Variants in PLK1 observed in about 807,000 individuals in gnomAD.
The protein encoded by PLK1 is polo like kinase 1.
PLK1 carries 6 observed loss-of-function variants against 56.7 expected under a neutral mutation model. That is an observed-to-expected ratio of 0.11 (90% CI 0.06 to 0.21). The LOEUF (loss-of-function observed/expected upper bound fraction) is 0.21, where lower values mean the gene tolerates loss of function less well. PLK1 is among the 10% of genes least tolerant of loss of function. The pLI is 1.00. For missense variants in PLK1, 546 were observed against 814.4 expected (o/e 0.67, Z 4.01); for synonymous variants, 298 against 325.0 (o/e 0.92, Z 0.89).
intron 1 of PLK1, chr16:23,679,675 G>A (rs984735324): frequency 1.7e-5 from 5 of 286,308 alleles, no homozygotes; most frequent in African/African-American, 1.1e-4. Context: ...GGTTAGTGAT[G>A]CCGCGCCCTG....
At chr16:23,679,935 G>A (rs1257894812) in intron 1 of PLK1, 149 bp from the exon 2 acceptor site, 2 of 603,288 alleles carry the variant, frequency 3.3e-6, no homozygotes, top group East Asian at 2.8e-5. Flanking sequence ...GGGGGCATAG[G>A]GAAGGAGAGA....
chr16:23,689,144 A>G lies in PLK1; in HGVS notation c.1271-94A>G. On this transcript the variant is annotated intron_variant, in intron 7 of 9. Transcript: ENST00000300093. This position sits in a 1 kb window ranked among gnomAD's most constrained non-coding sequence, Gnocchi z 4.8. ...AACAATCCTCCTCCCTCAGCCTCCC[A>G]AAGTGCTGGAATCACAGGCATGTGC... The G allele has an allele frequency of 1.2e-5, 14 of 1,165,466 alleles. No homozygotes were observed. In the South Asian group the frequency reaches 1.8e-4, roughly 15 times the overall value. The allele number at this position is 1,165,466 out of a possible 1,614,324, so 72.2% of individuals were successfully genotyped here.
At chr16:23,686,549 G>A (rs1000460948) in intron 5 of PLK1, among the ~76,000 whole-genome samples, 1 of 152,114 alleles carries the variant, frequency 6.6e-6, no homozygotes, top group African/African-American at 2.4e-5. Context: ...CTGGAGTGCT[G>A]TGGCAAGATC....
chr16:23,687,194 C>A, intron 5 of PLK1: 1 of 253,916 alleles, frequency 3.9e-6, no homozygotes, highest in East Asian at 7.1e-5. Flanking sequence ...CAGCTCTGAG[C>A]TGCTGGTGCC....
chr16:23,681,102 G>T (rs780871624), intron 3 of PLK1, 44 bp downstream of exon 3: 3 of 1,577,676 alleles, frequency 1.9e-6, no homozygotes, highest in Admixed American at 1.8e-5. Flanking sequence ...CTCAGCAGGG[G>T]CAACTTTGGG....
At position 23,687,470 on chromosome 16, in the gene PLK1, C is replaced by A; in HGVS notation, c.1038C>A (p.Gly346=). The A allele has an allele frequency of 1.3e-6, 2 of 1,570,756 alleles. No individual in the cohort carries two copies. The highest frequency in any genetic ancestry group is 8.7e-7 in the Non-Finnish European group (1 of 1,151,068). ...NRKPLTVLNK[G]LENPLPERPR... Reference sequence around the variant, plus strand: ...CCCCTGTTTTTGTCACCTTCCTAGGCTTGGAGAACCCCCTGCCTGAGCGTC... The same window carrying A: ...CCCCTGTTTTTGTCACCTTCCTAGGATTGGAGAACCCCCTGCCTGAGCGTC... Residue 346 remains glycine, a splice_region_variant and synonymous_variant, in exon 6 of 10, where the codon GGC becomes GGA. Coordinates refer to ENST00000300093, the MANE Select transcript of PLK1 (RefSeq NM_005030.6).
chr16:23,681,985 G>A (rs1417545422), intron 3 of PLK1, 79 bp from the exon 4 acceptor site: 2 of 813,934 alleles, frequency 2.5e-6, no homozygotes, highest in Non-Finnish European at 4.3e-6. Flanking sequence ...CCTGACCTTT[G>A]TTCTGACCCT....
Position 23,682,238 on chromosome 16 carries a change from A to C in PLK1, c.816+81A>C, listed in dbSNP as rs1959344193. The C allele has an allele frequency of 3.8e-6, 3 of 784,244 alleles. No individual in the cohort carries two copies. In the Admixed American group the frequency reaches 5.7e-5, roughly 15 times the overall value. 48.6% of individuals were successfully genotyped at this position (784,244 alleles called of 1,614,324 possible). On this transcript the variant is annotated intron_variant, in intron 4 of 9. Coordinates refer to ENST00000300093, the MANE Select transcript of PLK1 (RefSeq NM_005030.6). ...TGGAGCCCAGCAATATCCTAGGACC[A>C]GAAATAGGTCTATCCCACCTCTAAG...
chr16:23,683,886 C>G lies in PLK1; in HGVS notation c.833C>G (p.Ala278Gly), dbSNP rs756845433. ...CTGCCCCAGCACATCAACCCCGTGG[C>G]CGCCTCCCTCATCCAGAAGATGCTT... The part of the protein sequence containing the change: ...YSIPKHINPV[A>G]ASLIQKMLQT... The change falls in exon 5 of 10, where the codon GCC (alanine) becomes GGC (glycine). Residue 278 changes from alanine to glycine, a missense_variant. Transcript: ENST00000300093. The G allele has an allele frequency of 6.2e-7, 1 of 1,613,924 alleles. No homozygotes were observed. Among genetic ancestry groups the G allele is most frequent in the East Asian group, 2.2e-5 (1 of 44,876 alleles).
At chr16:23,685,169 T>G (rs1029446701) in intron 5 of PLK1, among the ~76,000 whole-genome samples, 20 of 151,938 alleles carry the variant, frequency 1.3e-4, no homozygotes, top group Admixed American at 3.3e-4. Flanking sequence ...TTTTTAGGTA[T>G]TGGTTTTTCT....
rs780089094 is a variant in PLK1, at chr16:23,679,011, G to C, written c.79G>C (p.Ala27Pro). 1.2e-6 allele frequency: 2 copies of C among 1,607,188 alleles called. No homozygotes were observed. Among genetic ancestry groups the C allele is most frequent in the Admixed American group, 3.4e-5 (2 of 59,508 alleles). Residue 27 changes from alanine to proline, a missense_variant, in exon 1 of 10, where the codon GCT becomes CCT. Ala to Pro is a conservative substitution (Grantham distance 27). Around this residue, in one of 7 missense-constraint regions of PLK1, gnomAD observed 72 missense variants for 63.7 expected, o/e 1.13. Transcript: ENST00000300093. ...PGKAGVPGVA[A>P]PGAPAAAPPA... ...GAAAGCCGGGGTCCCCGGAGTTGCA[G>C]CTCCCGGAGCTCCGGCGGCGGCTCC... is the stretch of plus-strand genomic sequence containing the variant.
chr16:23,682,250 A>G (rs1329120319), intron 4 of PLK1, 93 bp downstream of exon 4: 10 of 713,884 alleles, frequency 1.4e-5, no homozygotes, highest in African/African-American at 5.3e-5. Flanking sequence ...AAATAGGTCT[A>G]TCCCACCTCT....
Position 23,678,966 on chromosome 16 carries a change from C to T in PLK1, c.34C>T (p.Arg12Trp), listed in dbSNP as rs571545759. ...TGCAGTGACTGCAGGGAAGCTGGCA[C>T]GGGCACCGGCCGACCCTGGGAAAGC... ...SAAVTAGKLA[R>W]APADPGKAGV... Residue 12 changes from arginine (R) to tryptophan (W), a missense_variant, in exon 1 of 10, where the codon CGG (arginine) becomes TGG (tryptophan). Physicochemically the swap from Arg to Trp is moderately radical, Grantham distance 101. Transcript: ENST00000300093. The T allele has an allele frequency of 4.2e-5, 66 of 1,580,786 alleles. 1 individual carries two copies. The highest frequency in any genetic ancestry group is 5.4e-5 in the Non-Finnish European group (63 of 1,163,766).
chr16:23,680,736 C>T (rs968793136), intron 2 of PLK1, among the ~76,000 whole-genome samples, 178 bp from the exon 3 acceptor site: 1 of 152,222 alleles, frequency 6.6e-6, no homozygotes, highest in African/African-American at 2.4e-5. Context: ...ACTGGAGGCA[C>T]CTCCCTGGTG....
At chr16:23,684,859 T>A (rs1237960683) in intron 5 of PLK1, among the ~76,000 whole-genome samples, 2 of 150,902 alleles carry the variant, frequency 1.3e-5, no homozygotes, top group East Asian at 3.9e-4. Context: ...GGGGTTTCAC[T>A]GTGTTAGCCA....
intron 6 of PLK1, 42 bp from the exon 7 acceptor site, chr16:23,688,626 G>C (rs767691148): frequency 2.1e-6 from 3 of 1,451,386 alleles, no homozygotes; most frequent in Non-Finnish European, 1.9e-6. Context: ...AGGGGAAGAG[G>C]CTGGTCCTGA....
chr16:23,681,660 G>A (rs1286051592), intron 3 of PLK1, among the ~76,000 whole-genome samples: 2 of 152,180 alleles, frequency 1.3e-5, no homozygotes, highest in East Asian at 1.9e-4. Context: ...GCTTTCATAC[G>A]TCTTTGCAGT....
rs778295525 is a variant in PLK1, at chr16:23,678,907, G to T, written c.-26G>T. ...GCGGTGCGGAGGCTCTGCTCGGATCGAGGTCTGCAGCGCAGCTTCGGGAGC... is the reference window on the plus strand; with the variant it reads ...GCGGTGCGGAGGCTCTGCTCGGATCTAGGTCTGCAGCGCAGCTTCGGGAGC... On this transcript the variant is annotated 5_prime_UTR_variant, in exon 1 of 10. Coordinates refer to ENST00000300093, the MANE Select transcript of PLK1 (RefSeq NM_005030.6). The T allele has an allele frequency of 6.8e-7, 1 of 1,473,846 alleles. No homozygotes were observed. The highest frequency in any genetic ancestry group is 2.4e-4 in the Middle Eastern group (1 of 4,182). 91.3% of individuals were successfully genotyped at this position (1,473,846 alleles called of 1,614,324 possible). A position where few individuals can be genotyped will look rare whatever the true frequency, so the allele number is the denominator to read the frequency against.
intron 2 of PLK1, 147 bp downstream of exon 2, chr16:23,680,399 T>A (rs1401033388): frequency 1.6e-6 from 1 of 627,370 alleles, no homozygotes; most frequent in Non-Finnish European, 2.8e-6. Flanking sequence ...CAATATTTTT[T>A]TTTTACAAAG....
Sources: allele counts gnomAD v4.1 joint callset (sites outside exome capture counted in the v4.1 genomes callset), GRCh38; gene constraint gnomAD v4.1.1; regional missense constraint gnomAD v4.1.1; non-coding constraint Gnocchi (gnomAD v3.1); transcripts MANE v1.5; gene names NCBI Gene and HGNC (gene_info 2026-07-23, HGNC 2026-07-21).